NOS1AP: variants seen among roughly 807,000 people sequenced by gnomAD.
NOS1AP encodes the protein carboxyl-terminal PDZ ligand of neuronal nitric oxide synthase protein.
NOS1AP carries 21 observed loss-of-function variants against 56.2 expected under a neutral mutation model. That is an observed-to-expected ratio of 0.37 (90% CI 0.26 to 0.54). NOS1AP has a LOEUF of 0.54. Among genes scored for constraint, NOS1AP ranks in the 20% least tolerant of loss-of-function variants. NOS1AP has a pLI of 0.84. For synonymous variants in NOS1AP, 270 were observed against 274.6 expected (o/e 0.98, Z 0.17); for missense variants, 522 against 657.8 (o/e 0.79, Z 2.26).
At chr1:162,302,705 T>G (rs1164229106) in intron 4 of NOS1AP, among the ~76,000 whole-genome samples, 1 of 152,220 alleles carries the variant, frequency 6.6e-6, no homozygotes, top group Admixed American at 6.5e-5. Context: ...TATTTAAAGT[T>G]GAATAACTTG....
chr1:162,172,990 T>C (rs996842483), intron 2 of NOS1AP, among the ~76,000 whole-genome samples: 3 of 151,954 alleles, frequency 2.0e-5, no homozygotes, highest in African/African-American at 7.3e-5. Context: ...GGCGCAATCT[T>C]GGCTCATTGC....
chr1:162,273,903 C>A (rs1199559972), intron 2 of NOS1AP, among the ~76,000 whole-genome samples: 1 of 152,108 alleles, frequency 6.6e-6, no homozygotes, highest in Non-Finnish European at 1.5e-5. Context: ...TGCTTATTTT[C>A]CTTTTTATTT....
chr1:162,291,405 G>A (rs772402502), intron 3 of NOS1AP, among the ~76,000 whole-genome samples: 1 of 151,890 alleles, frequency 6.6e-6, no homozygotes, highest in Non-Finnish European at 1.5e-5. Context: ...TAAATACTTA[G>A]CAATTGGATC....
Position 162,243,870 on chromosome 1 carries a change from C to A in NOS1AP, c.178-43474C>A, listed in dbSNP as rs561106528. On this transcript the variant is annotated intron_variant, in intron 2 of 9. Coordinates refer to ENST00000361897, the MANE Select transcript of NOS1AP (RefSeq NM_014697.3). ...AGAATTGTTGGAGGACCGTCTTCCCCTCAAAGGGGGTGTGAGTGGCAGGAA... is the reference window on the plus strand; with the variant it reads ...AGAATTGTTGGAGGACCGTCTTCCCATCAAAGGGGGTGTGAGTGGCAGGAA... 7.8e-4 allele frequency among the ~76,000 whole-genome samples: 119 copies of A among 152,278 alleles called. 1 individual carries two copies. The highest frequency in any genetic ancestry group is 1.9e-3 in the South Asian group (9 of 4,830).
At chr1:162,215,892 G>A (rs1438779461) in intron 2 of NOS1AP, among the ~76,000 whole-genome samples, 6 of 152,330 alleles carry the variant, frequency 3.9e-5, no homozygotes, top group African/African-American at 1.4e-4. Flanking sequence ...TCTTTTGTTA[G>A]CATTTTGGAG....
At chr1:162,263,786 T>C (rs1211312741) in intron 2 of NOS1AP, among the ~76,000 whole-genome samples, 1 of 152,200 alleles carries the variant, frequency 6.6e-6, no homozygotes, top group Non-Finnish European at 1.5e-5. Flanking sequence ...TCAGAATCAC[T>C]GTGTCCCAAA....
chr1:162,147,352 A>G (rs2102084414), intron 1 of NOS1AP, among the ~76,000 whole-genome samples: 1 of 151,358 alleles, frequency 6.6e-6, no homozygotes. Flanking sequence ...AAAAAAAAAA[A>G]AGATAAATAC....
At chr1:162,302,291 A>AAT (rs1309603431) in intron 4 of NOS1AP, among the ~76,000 whole-genome samples, 1 of 152,214 alleles carries the variant, frequency 6.6e-6, no homozygotes, top group Non-Finnish European at 1.5e-5. Context: ...GCACTTAATA[A>AAT]ATGTGCAATG....
At chr1:162,362,862 C>G (rs115455168) in intron 8 of NOS1AP, 3 of 708,338 alleles carry the variant, frequency 4.2e-6, no homozygotes, top group Non-Finnish European at 5.2e-6. Context: ...AGGAGAAAAC[C>G]TTAATAGCCA....
At chr1:162,178,633 G>A (rs965763673) in intron 2 of NOS1AP, among the ~76,000 whole-genome samples, 2 of 152,148 alleles carry the variant, frequency 1.3e-5, no homozygotes, top group Non-Finnish European at 1.5e-5. Context: ...TTCCCACTGC[G>A]TCATGCCGTC....
At chr1:162,133,878 T>A (rs2102066072) in intron 1 of NOS1AP, among the ~76,000 whole-genome samples, 1 of 152,286 alleles carries the variant, frequency 6.6e-6, no homozygotes, top group African/African-American at 2.4e-5. Flanking sequence ...CCTGTAGAAG[T>A]AATCGGCATT....
intron 1 of NOS1AP, among the ~76,000 whole-genome samples, chr1:162,144,127 A>G (rs185541804): frequency 1.3e-5 from 2 of 152,254 alleles, no homozygotes; most frequent in East Asian, 3.9e-4. Context: ...GTGCCCCACC[A>G]TTTTTCACTG....
chr1:162,076,692 C>A (rs1188562408), intron 1 of NOS1AP, among the ~76,000 whole-genome samples: 1 of 152,138 alleles, frequency 6.6e-6, no homozygotes, highest in Non-Finnish European at 1.5e-5. Context: ...ATGGTGAAAC[C>A]CCATCTCTAC....
At chr1:162,322,156 A>T (rs1394883654) in intron 4 of NOS1AP, among the ~76,000 whole-genome samples, 1 of 152,204 alleles carries the variant, frequency 6.6e-6, no homozygotes, top group Non-Finnish European at 1.5e-5. Flanking sequence ...TGGCCTGGAC[A>T]TTGACCTGAG....
chr1:162,329,288 G>C (rs1656688382), intron 4 of NOS1AP, among the ~76,000 whole-genome samples: 1 of 152,046 alleles, frequency 6.6e-6, no homozygotes, highest in African/African-American at 2.4e-5. Flanking sequence ...AGCTACTCAG[G>C]AGGCTGAAGC....
Position 162,367,210 on chromosome 1 carries a change from C to G in NOS1AP, c.1264C>G (p.Arg422Gly). 6.2e-7 allele frequency: 1 copy of G among 1,613,908 alleles called. No homozygotes were observed. The highest frequency in any genetic ancestry group is 8.5e-7 in the Non-Finnish European group (1 of 1,179,966). ...CCCTGCGGGCAGCCCCTTAGGTAGG[C>G]GCGACTGCTTGGTGAAGCTGGAGTG... ...AHPAGSPLGR[R>G]DCLVKLECFR... Residue 422 changes from arginine (R) to glycine (G), a missense_variant, in exon 10 of 10, where the codon CGC (arginine) becomes GGC (glycine). Physicochemically the swap from Arg to Gly is moderately radical, Grantham distance 125. This residue lies in a region of NOS1AP where 160 missense variants were observed against 180.3 expected (regional missense o/e 0.89). Coordinates refer to ENST00000361897, the MANE Select transcript of NOS1AP (RefSeq NM_014697.3). The surrounding 1 kb of genome is among the most constrained non-coding windows in gnomAD (Gnocchi z 6.5).
chr1:162,215,796 T>C (rs1571134796), intron 2 of NOS1AP, among the ~76,000 whole-genome samples: 1 of 152,342 alleles, frequency 6.6e-6, no homozygotes, highest in East Asian at 1.9e-4. Flanking sequence ...AATTCTATAA[T>C]CTTTCAGATT....
intron 4 of NOS1AP, among the ~76,000 whole-genome samples, chr1:162,316,447 G>A (rs986164107): frequency 6.6e-6 from 1 of 152,218 alleles, no homozygotes; most frequent in Non-Finnish European, 1.5e-5. Flanking sequence ...GAGGATGCCA[G>A]TCCTGTCCAG....
chr1:162,315,951 T>C (rs1202016777), intron 4 of NOS1AP, among the ~76,000 whole-genome samples: 1 of 152,214 alleles, frequency 6.6e-6, no homozygotes, highest in Non-Finnish European at 1.5e-5. Flanking sequence ...GAACTGTATC[T>C]TATCTATCTT....
Sources: gnomAD v4.1 joint callset for allele counts (sites outside exome capture counted in the v4.1 genomes callset) on GRCh38, gnomAD v4.1.1 for gene constraint, gnomAD v4.1.1 regional missense constraint, Gnocchi (gnomAD v3.1) non-coding constraint, MANE v1.5 for transcripts, NCBI Gene and HGNC (gene_info 2026-07-23, HGNC 2026-07-21) for gene names.